MYT1L: variants seen among roughly 807,000 people sequenced by gnomAD.
MYT1L encodes the protein myelin transcription factor 1-like protein.
A neutral mutation model predicts 126.7 loss-of-function variants in MYT1L; 12 were observed. The ratio of observed to expected loss-of-function variants is 0.09; its 90% confidence interval spans 0.06 to 0.15. The LOEUF is 0.15. Ranked by LOEUF, MYT1L falls within the 10% of genes least tolerant of loss-of-function variation. MYT1L has a pLI of 1.00. For missense variants in MYT1L, 979 were observed against 1,585.2 expected (o/e 0.62, Z 6.49); for synonymous variants, 541 against 604.2 (o/e 0.90, Z 1.53).
intron 2 of MYT1L, among the ~76,000 whole-genome samples, chr2:2,246,796 G>A (rs1417722710): frequency 6.6e-6 from 1 of 152,108 alleles, no homozygotes; most frequent in Non-Finnish European, 1.5e-5. Context: ...CACTTATTGG[G>A]AGCCTAAGTA....
At chr2:2,185,880 G>T (rs1331171256) in intron 2 of MYT1L, among the ~76,000 whole-genome samples, 1 of 122,486 alleles carries the variant, frequency 8.2e-6, no homozygotes. Flanking sequence ...CGTTCCTTAC[G>T]TGAGGGGGAC....
chr2:1,849,555 C>T (rs766603850), intron 19 of MYT1L, among the ~76,000 whole-genome samples: 40 of 152,288 alleles, frequency 2.6e-4, no homozygotes, highest in East Asian at 3.9e-4. Context: ...TTGGTTGTCA[C>T]GAAGGGGTGG....
rs1414109593 is a variant in MYT1L at position 2,053,387 on chromosome 2, A to G, written c.-158+591T>C. ...CTTGATATCACTAATTGCACATTTG[A>G]AAACTGTAAAAATGGTAAATTTCAT... On this transcript the variant is annotated intron_variant, in intron 4 of 24. Coordinates refer to ENST00000647738, the MANE Select transcript of MYT1L (RefSeq NM_001303052.2). Among the ~76,000 whole-genome samples the G allele has an allele frequency of 3.3e-5, 5 of 152,188 alleles. No individual in the cohort carries two copies. The East Asian group carries it at 9.6e-4, about 29-fold the overall frequency.
intron 2 of MYT1L, among the ~76,000 whole-genome samples, chr2:2,237,084 G>T (rs13028830): frequency 0.15 from 23,384 of 152,008 alleles, 2,024 homozygotes; most frequent in South Asian, 0.33. Context: ...AAAGTGCTGG[G>T]ATTATAAGTG....
intron 9 of MYT1L, among the ~76,000 whole-genome samples, chr2:1,930,245 GA>G (rs2054772156): frequency 1.3e-5 from 2 of 152,276 alleles, no homozygotes; most frequent in African/African-American, 4.8e-5. Context: ...CACTTGATTG[GA>G]AAGCCCACTT....
chr2:2,281,000 G>A (rs1465190768), intron 2 of MYT1L, among the ~76,000 whole-genome samples: 1 of 152,162 alleles, frequency 6.6e-6, no homozygotes, highest in Non-Finnish European at 1.5e-5. Context: ...CACAACCGTG[G>A]TGATATGGTT....
intron 2 of MYT1L, among the ~76,000 whole-genome samples, chr2:2,218,365 G>T (rs931732331): frequency 6.6e-6 from 1 of 152,210 alleles, no homozygotes; most frequent in Non-Finnish European, 1.5e-5. Context: ...TATACAGGCA[G>T]TGGAATACTA....
rs374121563 is a variant in MYT1L at position 2,285,494 on chromosome 2, G to A, written c.-520-991C>T. On this transcript the variant is annotated intron_variant, in intron 1 of 24. Transcript: ENST00000647738. ...CTTTTTCTACCCACTAACCATATTC[G>A]TTCCAATTTTAGCAGTTCTGTGGGA... 5.1e-4 allele frequency among the ~76,000 whole-genome samples: 78 copies of A among 152,102 alleles called. 2 individuals carry two copies. The highest frequency in any genetic ancestry group is 1.6e-4 in the Non-Finnish European group (11 of 68,020).
intron 18 of MYT1L, among the ~76,000 whole-genome samples, chr2:1,876,240 C>T (rs963520066): frequency 6.6e-6 from 1 of 152,136 alleles, no homozygotes; most frequent in South Asian, 2.1e-4. Context: ...GGGCCCCTCT[C>T]GCTGGGGGTG....
In MYT1L at chr2:1,790,008, TTCG is replaced by T. The variant is rs1166226578; in HGVS notation, c.*1856_*1858del. 6.6e-6 allele frequency: 1 copy of T among 152,206 alleles called. No homozygotes were observed. The highest frequency in any genetic ancestry group is 2.4e-5 in the African/African-American group (1 of 41,444). The allele number at this position is 152,206 out of a possible 1,614,324, so 9.4% of individuals were successfully genotyped here. ...CGAGGTTGAGTATTGTATCAGAATA[TTCG>T]TCGTGAGATCCCTGTAGTCTCCCTT... On this transcript the variant is annotated 3_prime_UTR_variant, in exon 25 of 25. Coordinates refer to ENST00000647738, the MANE Select transcript of MYT1L (RefSeq NM_001303052.2).
chr2:2,065,885 A>G (rs2071213237), intron 3 of MYT1L, among the ~76,000 whole-genome samples: 1 of 151,796 alleles, frequency 6.6e-6, no homozygotes, highest in Non-Finnish European at 1.5e-5. Context: ...ATCTAGAACC[A>G]AAGTTGGAAG....
At chr2:1,855,821 T>TG (rs1572902603) in intron 18 of MYT1L, among the ~76,000 whole-genome samples, 1 of 137,348 alleles carries the variant, frequency 7.3e-6, no homozygotes, top group Non-Finnish European at 1.5e-5. Context: ...GCTTCATCTC[T>TG]GGTCATGGGT....
rs750012135 is a variant in MYT1L at position 2,103,171 on chromosome 2, T to TA, written c.-303-49049dup. Among the ~76,000 whole-genome samples the TA allele has an allele frequency of 4.0e-5, 6 of 151,322 alleles. No individual in the cohort carries two copies. The East Asian group carries it at 5.8e-4, about 15-fold the overall frequency. ...TTTCAAAGAAATCTCTGCACGTGGG[T>TA]AAAAAAAAATATTCAGCGCTGCAAC... On this transcript the variant is annotated intron_variant, in intron 3 of 24. Coordinates refer to ENST00000647738, the MANE Select transcript of MYT1L (RefSeq NM_001303052.2).
intron 3 of MYT1L, among the ~76,000 whole-genome samples, chr2:2,061,881 T>G (rs1226759064): frequency 6.6e-6 from 1 of 152,200 alleles, no homozygotes; most frequent in Non-Finnish European, 1.5e-5. Flanking sequence ...ACATGGCTGA[T>G]TATGAAAACA....
intron 9 of MYT1L, among the ~76,000 whole-genome samples, chr2:1,926,417 T>C (rs1258114994): frequency 6.6e-6 from 1 of 152,194 alleles, no homozygotes; most frequent in Non-Finnish European, 1.5e-5. Context: ...CTGAGGCTAA[T>C]AATGAAATTA....
intron 3 of MYT1L, among the ~76,000 whole-genome samples, chr2:2,170,341 G>A (rs2089841321): frequency 1.3e-5 from 2 of 152,184 alleles, no homozygotes; most frequent in African/African-American, 4.8e-5. Flanking sequence ...GACAAACTTA[G>A]GCCCACGGGC....
At chr2:2,159,838 G>A (rs1296322544) in intron 3 of MYT1L, among the ~76,000 whole-genome samples, 1 of 151,954 alleles carries the variant, frequency 6.6e-6, no homozygotes, top group African/African-American at 2.4e-5. Flanking sequence ...CCTCTGGGGG[G>A]CTCTTCTGTT....
rs551197894 is a variant in MYT1L, at chr2:2,324,262, G to A, written c.-521+6705C>T. The A allele has an allele frequency of 2.0e-5, 3 of 152,216 alleles. No individual in the cohort carries two copies. In the East Asian group the frequency reaches 5.8e-4, roughly 29 times the overall value. 9.4% of individuals were successfully genotyped at this position (152,216 alleles called of 1,614,324 possible). A position where few individuals can be genotyped will look rare whatever the true frequency, so the allele number is the denominator to read the frequency against. On this transcript the variant is annotated intron_variant, in intron 1 of 24. Transcript: ENST00000647738. ...GCCTACAGCCGCACTTGGCACCTTC[G>A]GCTAAGCCAGCGTCTGACAAGCAGT...
chr2:2,202,504 AT>A (rs1394845252), intron 2 of MYT1L, among the ~76,000 whole-genome samples: 1 of 152,242 alleles, frequency 6.6e-6, no homozygotes, highest in Non-Finnish European at 1.5e-5. Context: ...CTGTACACAA[AT>A]AAACTAGAAA....
Sources: allele counts gnomAD v4.1 joint callset (sites outside exome capture counted in the v4.1 genomes callset), GRCh38; gene constraint gnomAD v4.1.1; transcripts MANE v1.5; gene names NCBI Gene and HGNC (gene_info 2026-07-23, HGNC 2026-07-21).